Variants in NTNG1 observed in about 807,000 individuals in gnomAD.
NTNG1 encodes netrin-G1.
NTNG1 carries 16 observed loss-of-function variants against 54.0 expected under a neutral mutation model. The ratio of observed to expected loss-of-function variants is 0.30; its 90% CI spans 0.20 to 0.45. NTNG1 has a LOEUF of 0.45. Ranked by LOEUF, NTNG1 falls within the 20% of genes least tolerant of loss-of-function variation. The probability of loss-of-function intolerance (pLI) is 1.00; values close to 1 mark genes in which losing one functional copy is unlikely to be tolerated. For missense variants in NTNG1, 530 were observed against 678.7 expected (o/e 0.78, Z 2.43); for synonymous variants, 255 against 263.1 (o/e 0.97, Z 0.30).
At chr1:107,471,171 A>C (rs1276399294) in intron 7 of NTNG1, among the ~76,000 whole-genome samples, 1 of 152,170 alleles carries the variant, frequency 6.6e-6, no homozygotes, top group Non-Finnish European at 1.5e-5. Flanking sequence ...TAGGGTCAGA[A>C]CTTGCAGTCC....
rs201862539 is a variant in NTNG1, at chr1:107,266,614, TTG to T, written c.247-57666_247-57665del. 3.0e-3 allele frequency among the ~76,000 whole-genome samples: 453 copies of T among 150,418 alleles called. 5 individuals are homozygous for T. Among genetic ancestry groups the T allele is most frequent in the African/African-American group, 0.011 (436 of 40,242 alleles). Reference sequence around the variant, plus strand: ...GACACAAATCCAAACCTTAGCAACATTGTTTTTTTTTTTTTTTAAGTTTAGAC... The same window carrying T: ...GACACAAATCCAAACCTTAGCAACATTTTTTTTTTTTTTTTAAGTTTAGAC... On this transcript the variant is annotated intron_variant, in intron 2 of 7. Transcript: ENST00000370068.
chr1:107,208,078 G>A (rs750791768), intron 2 of NTNG1, among the ~76,000 whole-genome samples: 1 of 152,126 alleles, frequency 6.6e-6, no homozygotes, highest in African/African-American at 2.4e-5. Context: ...TCAAGGCGTC[G>A]AAGGCATGTG....
At chr1:107,423,279 TG>T (rs1674685277) in intron 5 of NTNG1, among the ~76,000 whole-genome samples, 1 of 152,210 alleles carries the variant, frequency 6.6e-6, no homozygotes, top group Admixed American at 6.5e-5. Context: ...GGGTGGATTT[TG>T]CCCCCCAGGG....
chr1:107,455,669 GA>G, intron 7 of NTNG1: 1 of 475,924 alleles, frequency 2.1e-6, no homozygotes, highest in Non-Finnish European at 4.3e-6. Flanking sequence ...CCATTTCTGT[GA>G]AATGAGGTGA....
At chr1:107,397,213 A>T (rs1672737716) in intron 4 of NTNG1, among the ~76,000 whole-genome samples, 1 of 152,230 alleles carries the variant, frequency 6.6e-6, no homozygotes, top group Non-Finnish European at 1.5e-5. Context: ...GTTTTTCCTC[A>T]TTGATGTTAA....
At position 107,323,018 on chromosome 1, in the gene NTNG1, T is replaced by A. The variant is rs193132626; in HGVS notation, c.247-1264T>A. On this transcript the variant is annotated intron_variant, in intron 2 of 7. Coordinates refer to ENST00000370068, the MANE Select transcript of NTNG1 (RefSeq NM_001113226.3). ...TATTTCATAGGAGTCAGCTAGTAAC[T>A]GAGTGTCAGTGTCTAAAGTGTAAAT... Among the ~76,000 whole-genome samples, 37 of 151,918 alleles carry A rather than the reference T, an allele frequency of 2.4e-4. 1 individual carries two copies. The highest frequency in any genetic ancestry group is 7.8e-4 in the East Asian group (4 of 5,146).
At chr1:107,171,301 T>A (rs907784840) in intron 2 of NTNG1, among the ~76,000 whole-genome samples, 1 of 152,070 alleles carries the variant, frequency 6.6e-6, no homozygotes, top group Non-Finnish European at 1.5e-5. Flanking sequence ...TGTGTGTGTA[T>A]ATATATATTT....
chr1:107,421,227 A>G, intron 5 of NTNG1: 1 of 936,462 alleles, frequency 1.1e-6, no homozygotes, highest in Non-Finnish European at 1.7e-6. Flanking sequence ...AATATCTGTG[A>G]AGTGTACCCA....
At chr1:107,443,828 G>A (rs1676134456) in intron 7 of NTNG1, among the ~76,000 whole-genome samples, 1 of 152,060 alleles carries the variant, frequency 6.6e-6, no homozygotes, top group South Asian at 2.1e-4. Context: ...AGTATCATTA[G>A]TTTCCAATAG....
At chr1:107,454,855 T>A (rs1210637824) in intron 7 of NTNG1, among the ~76,000 whole-genome samples, 2 of 152,210 alleles carry the variant, frequency 1.3e-5, no homozygotes, top group East Asian at 3.9e-4. Context: ...CTTACAGAGG[T>A]GAAGCACATT....
chr1:107,246,210 C>T (rs1392938698), intron 2 of NTNG1, among the ~76,000 whole-genome samples: 3 of 152,088 alleles, frequency 2.0e-5, no homozygotes, highest in Non-Finnish European at 4.4e-5. Flanking sequence ...TGCCACCACG[C>T]CTGGCTAATT....
intron 2 of NTNG1, among the ~76,000 whole-genome samples, chr1:107,228,756 C>G (rs1660854938): frequency 6.6e-6 from 1 of 152,108 alleles, no homozygotes; most frequent in African/African-American, 2.4e-5. Flanking sequence ...TTTCCTAATT[C>G]TGATGAGGCT....
At chr1:107,178,642 C>T (rs1656830553) in intron 2 of NTNG1, among the ~76,000 whole-genome samples, 1 of 152,154 alleles carries the variant, frequency 6.6e-6, no homozygotes, top group African/African-American at 2.4e-5. Context: ...CTATTTTACT[C>T]TCACCTTAAT....
At chr1:107,309,273 G>A (rs959295672) in intron 2 of NTNG1, among the ~76,000 whole-genome samples, 1 of 151,988 alleles carries the variant, frequency 6.6e-6, no homozygotes, top group African/African-American at 2.4e-5. Flanking sequence ...CTCACAATAG[G>A]GTCTCTTGAT....
At chr1:107,304,525 A>T (rs2101814711) in intron 2 of NTNG1, among the ~76,000 whole-genome samples, 1 of 152,250 alleles carries the variant, frequency 6.6e-6, no homozygotes, top group East Asian at 1.9e-4. Flanking sequence ...ACCCCTTCTA[A>T]ATTCTATAAA....
At chr1:107,455,817 C>T (rs1676921751) in intron 7 of NTNG1, among the ~76,000 whole-genome samples, 1 of 152,212 alleles carries the variant, frequency 6.6e-6, no homozygotes, top group Non-Finnish European at 1.5e-5. Flanking sequence ...GAATTCTCTT[C>T]ATCATCAAAT....
At chr1:107,172,967 T>C (rs1022098297) in intron 2 of NTNG1, among the ~76,000 whole-genome samples, 4 of 152,182 alleles carry the variant, frequency 2.6e-5, no homozygotes, top group African/African-American at 9.7e-5. Flanking sequence ...GCTGCCTTTC[T>C]AGAGAAATCA....
intron 2 of NTNG1, among the ~76,000 whole-genome samples, chr1:107,175,763 T>C (rs1337975612): frequency 1.3e-5 from 2 of 152,210 alleles, no homozygotes; most frequent in African/African-American, 4.8e-5. Flanking sequence ...AGATAATTTA[T>C]GGAAATTCTC....
intron 1 of NTNG1, among the ~76,000 whole-genome samples, chr1:107,145,100 A>C (rs987887387): frequency 2.0e-5 from 3 of 152,116 alleles, no homozygotes; most frequent in Admixed American, 1.3e-4. Flanking sequence ...TCCTTCTCAT[A>C]ATTGGTTTCC....
Sources: allele counts gnomAD v4.1 joint callset (sites outside exome capture counted in the v4.1 genomes callset), GRCh38; gene constraint gnomAD v4.1.1; transcripts MANE v1.5; gene names NCBI Gene and HGNC (gene_info 2026-07-23, HGNC 2026-07-21).